Variants in RGS6 observed in about 807,000 individuals in gnomAD.
RGS6 encodes the protein regulator of G-protein signaling 6.
Under a neutral mutation model 78.5 loss-of-function variants are expected in RGS6, and 30 were observed. The ratio of observed to expected loss-of-function variants is 0.38; its 90% CI spans 0.29 to 0.52. The LOEUF is 0.52. RGS6 is among the 20% of genes least tolerant of loss of function. RGS6 has a pLI of 0.85. For missense variants in RGS6, 495 were observed against 609.7 expected, an observed-to-expected ratio of 0.81 and a Z score of 1.98; for synonymous variants, 206 against 206.0, an observed-to-expected ratio of 1.00 and a Z score of 0.00.
chr14:72,616,858 T>C, the RGS6 span, among the ~76,000 whole-genome samples: 1 of 152,224 alleles, frequency 6.6e-6, no homozygotes, highest in African/African-American at 2.4e-5. Context: ...ACGGAGACTT[T>C]TGTCTGCTTG....
chr14:72,232,369 C>T (rs847307), intron 2 of RGS6, among the ~76,000 whole-genome samples: 50,800 of 152,126 alleles, frequency 0.33, 9,370 homozygotes, highest in South Asian at 0.46. Flanking sequence ...GCATTAGCTG[C>T]ATGCAGGCAG....
chr14:72,493,598 C>A (rs1198063958), intron 12 of RGS6, among the ~76,000 whole-genome samples: 1 of 152,094 alleles, frequency 6.6e-6, no homozygotes, highest in Non-Finnish European at 1.5e-5. Context: ...TTATCTATCA[C>A]ACACTGTGCC....
At chr14:72,265,535 A>G (rs1595006838) in intron 2 of RGS6, among the ~76,000 whole-genome samples, 1 of 152,112 alleles carries the variant, frequency 6.6e-6, no homozygotes, top group Non-Finnish European at 1.5e-5. Flanking sequence ...TCCCATTAGT[A>G]GTGACGTTGC....
chr14:72,419,238 C>G (rs1447888809), intron 3 of RGS6, among the ~76,000 whole-genome samples: 1 of 152,210 alleles, frequency 6.6e-6, no homozygotes, highest in Non-Finnish European at 1.5e-5. Flanking sequence ...TTTTTGAGAG[C>G]TTGCTTTACA....
chr14:72,556,349 C>T (rs1342586030), intron 17 of RGS6, among the ~76,000 whole-genome samples: 1 of 152,110 alleles, frequency 6.6e-6, no homozygotes, highest in Non-Finnish European at 1.5e-5. Context: ...CTCATGAGAA[C>T]TCACTCCCTA....
the RGS6 span, among the ~76,000 whole-genome samples, chr14:71,915,701 T>C: frequency 1.3e-5 from 2 of 152,208 alleles, no homozygotes; most frequent in African/African-American, 4.8e-5. Context: ...GTTTGTGTTA[T>C]GGGCTGAATT....
intron 3 of RGS6, among the ~76,000 whole-genome samples, chr14:72,416,288 C>A (rs1281776712): frequency 6.6e-6 from 1 of 152,124 alleles, no homozygotes; most frequent in Non-Finnish European, 1.5e-5. Flanking sequence ...GAACATTGAT[C>A]TGAATGTTCC....
chr14:72,095,161 A>C (rs2153511820), intron 2 of RGS6, among the ~76,000 whole-genome samples: 1 of 152,176 alleles, frequency 6.6e-6, no homozygotes, highest in East Asian at 1.9e-4. Context: ...ATTATGTTTG[A>C]GCAGCTATGA....
intron 2 of RGS6, among the ~76,000 whole-genome samples, chr14:72,306,825 C>G (rs1016093270): frequency 6.6e-6 from 1 of 152,188 alleles, no homozygotes; most frequent in Admixed American, 6.5e-5. Flanking sequence ...ATGCTATGAA[C>G]ATTGTTGAAA....
At chr14:72,595,806 T>C in the RGS6 span, among the ~76,000 whole-genome samples, 1 of 152,232 alleles carries the variant, frequency 6.6e-6, no homozygotes, top group African/African-American at 2.4e-5. Context: ...ATTTACCCTT[T>C]TCCACACCAC....
chr14:72,273,281 A>C (rs1487443223), intron 2 of RGS6, among the ~76,000 whole-genome samples: 1 of 152,214 alleles, frequency 6.6e-6, no homozygotes, highest in Non-Finnish European at 1.5e-5. Context: ...AAAAGAACTT[A>C]TATGTATGTG....
chr14:71,965,840 A>G (rs1476799893), intron 2 of RGS6, among the ~76,000 whole-genome samples: 1 of 152,198 alleles, frequency 6.6e-6, no homozygotes, highest in Non-Finnish European at 1.5e-5. Context: ...CACCTTCAGA[A>G]TTAAGAGAAA....
At chr14:72,190,398 A>ATG (rs145096882) in intron 2 of RGS6, among the ~76,000 whole-genome samples, 143 of 152,094 alleles carry the variant, frequency 9.4e-4, no homozygotes, top group African/African-American at 3.3e-3. Flanking sequence ...ACATTGTGGA[A>ATG]TGTGTGTGTG....
At chr14:72,189,710 G>A (rs535089425) in intron 2 of RGS6, among the ~76,000 whole-genome samples, 10 of 152,204 alleles carry the variant, frequency 6.6e-5, no homozygotes, top group South Asian at 2.1e-4. Flanking sequence ...CCCCTCATTC[G>A]CTGACTTGGG....
chr14:72,022,767 A>T (rs1197040175), intron 2 of RGS6, among the ~76,000 whole-genome samples: 2 of 152,140 alleles, frequency 1.3e-5, no homozygotes, highest in Non-Finnish European at 2.9e-5. Context: ...TAAAAGTCCA[A>T]ATGTTCTGGA....
intron 2 of RGS6, among the ~76,000 whole-genome samples, chr14:72,160,152 G>A (rs2096832549): frequency 6.6e-6 from 1 of 152,166 alleles, no homozygotes; most frequent in Non-Finnish European, 1.5e-5. Context: ...AATCATAAAT[G>A]TAGATATAAG....
intron 3 of RGS6, among the ~76,000 whole-genome samples, chr14:72,387,105 GA>G (rs200369360): frequency 4.0e-5 from 6 of 151,802 alleles, no homozygotes; most frequent in East Asian, 3.9e-4. Context: ...TAAATAGGGA[GA>G]AAAAATATGT....
intron 17 of RGS6, among the ~76,000 whole-genome samples, chr14:72,555,581 G>T (rs901030188): frequency 6.6e-6 from 1 of 152,236 alleles, no homozygotes; most frequent in African/African-American, 2.4e-5. Flanking sequence ...TCATCCCTGA[G>T]TGTTTCCATC....
intron 3 of RGS6, among the ~76,000 whole-genome samples, chr14:72,403,299 C>T (rs1480610704): frequency 6.6e-6 from 1 of 152,192 alleles, no homozygotes; most frequent in Non-Finnish European, 1.5e-5. Flanking sequence ...TCATTCATGG[C>T]AACATGGATG....
Sources: gnomAD v4.1 joint callset for allele counts (sites outside exome capture counted in the v4.1 genomes callset) on GRCh38, gnomAD v4.1.1 for gene constraint, MANE v1.5 for transcripts, NCBI Gene and HGNC (gene_info 2026-07-23, HGNC 2026-07-21) for gene names.